Variants in CAAP1 observed in about 807,000 individuals in gnomAD.
CAAP1 encodes conserved anti-apoptotic protein.
A neutral mutation model predicts 34.0 loss-of-function variants in CAAP1; 20 were observed. The observed-to-expected ratio is 0.59, with a 90% CI of 0.41 to 0.86. The LOEUF (loss-of-function observed/expected upper bound fraction) is 0.86, where lower values mean the gene tolerates loss of function less well. Ranked by LOEUF, CAAP1 falls within the 40% of genes least tolerant of loss-of-function variation. CAAP1 has a pLI of 0.00. For missense variants in CAAP1, 538 were observed against 450.5 expected, an observed-to-expected ratio of 1.19 and a Z score of -1.76; for synonymous variants, 213 against 166.7, an observed-to-expected ratio of 1.28 and a Z score of -2.14.
intron 1 of CAAP1, 71 bp from the exon 2 acceptor site, chr9:26,887,584 T>A: frequency 1.2e-6 from 1 of 858,666 alleles, no homozygotes. Flanking sequence ...CATGACATCA[T>A]ACGTTTTCAT....
At chr9:26,853,995 T>C (rs1304078973) in intron 5 of CAAP1, among the ~76,000 whole-genome samples, 1 of 152,158 alleles carries the variant, frequency 6.6e-6, no homozygotes, top group East Asian at 1.9e-4. Context: ...AGAAGATGTA[T>C]TAAACTCTTT....
intron 4 of CAAP1, among the ~76,000 whole-genome samples, chr9:26,877,861 T>C (rs1399688571): frequency 1.3e-5 from 2 of 151,688 alleles, no homozygotes. Flanking sequence ...TTTTCCTATA[T>C]TTATTACACA....
chr9:26,847,578 G>C (rs141510062), intron 5 of CAAP1, among the ~76,000 whole-genome samples: 1 of 151,972 alleles, frequency 6.6e-6, no homozygotes, highest in Non-Finnish European at 1.5e-5. Flanking sequence ...TCTTTTCCAC[G>C]TGTGTATTGC....
intron 5 of CAAP1, among the ~76,000 whole-genome samples, chr9:26,850,486 C>CA (rs1251887659): frequency 2.0e-5 from 3 of 152,080 alleles, no homozygotes; most frequent in Non-Finnish European, 4.4e-5. Flanking sequence ...TCCCCAATAC[C>CA]AAAAACAAGA....
intron 5 of CAAP1, among the ~76,000 whole-genome samples, chr9:26,845,123 A>G (rs1414155615): frequency 6.6e-6 from 1 of 151,914 alleles, no homozygotes; most frequent in East Asian, 1.9e-4. Context: ...ATTTTTCTTC[A>G]TTGCACCTGA....
At chr9:26,862,538 GTAT>G (rs1290488908) in intron 4 of CAAP1, among the ~76,000 whole-genome samples, 1 of 152,024 alleles carries the variant, frequency 6.6e-6, no homozygotes, top group Non-Finnish European at 1.5e-5. Context: ...TATATAACCT[GTAT>G]TATGAAGAAT....
At chr9:26,875,162 A>G (rs1297524023) in intron 4 of CAAP1, among the ~76,000 whole-genome samples, 1 of 152,222 alleles carries the variant, frequency 6.6e-6, no homozygotes, top group Non-Finnish European at 1.5e-5. Context: ...AGGCAGGTGG[A>G]TCACTCGAGG....
chr9:26,882,651 G>C (rs972007762), intron 4 of CAAP1, among the ~76,000 whole-genome samples: 2 of 152,194 alleles, frequency 1.3e-5, no homozygotes, highest in Non-Finnish European at 2.9e-5. Flanking sequence ...TAGTGGAGCT[G>C]TGAGAAGAGG....
At chr9:26,876,326 T>C (rs1823427403) in intron 4 of CAAP1, among the ~76,000 whole-genome samples, 1 of 152,168 alleles carries the variant, frequency 6.6e-6, no homozygotes, top group Admixed American at 6.5e-5. Context: ...AGTCTTCCCA[T>C]CTCAAGATCC....
chr9:26,858,679 C>T (rs568287172), intron 5 of CAAP1, among the ~76,000 whole-genome samples: 75 of 152,048 alleles, frequency 4.9e-4, no homozygotes, highest in African/African-American at 1.5e-3. Context: ...AAAAATTAGC[C>T]GGGCGTGGTG....
chr9:26,870,408 G>A (rs1467315200), intron 4 of CAAP1, among the ~76,000 whole-genome samples: 1 of 151,702 alleles, frequency 6.6e-6, no homozygotes, highest in Non-Finnish European at 1.5e-5. Flanking sequence ...TCTCTACGTA[G>A]AGTTAAGCAA....
intron 4 of CAAP1, among the ~76,000 whole-genome samples, chr9:26,864,600 C>T (rs952834318): frequency 6.6e-6 from 1 of 152,172 alleles, no homozygotes; most frequent in South Asian, 2.1e-4. Flanking sequence ...TATAAACTGT[C>T]CCCCACCCTG....
chr9:26,848,492 C>T (rs915434671), intron 5 of CAAP1, among the ~76,000 whole-genome samples: 46 of 151,690 alleles, frequency 3.0e-4, no homozygotes, highest in African/African-American at 1.0e-3. Flanking sequence ...CTCCAGCCTG[C>T]GCGACAGAGC....
chr9:26,884,442 T>G (rs1483040211), intron 4 of CAAP1, among the ~76,000 whole-genome samples: 2 of 152,136 alleles, frequency 1.3e-5, no homozygotes, highest in East Asian at 3.9e-4. Context: ...ATTATTGTAA[T>G]GAGATCAAGT....
chr9:26,863,947 AT>A (rs1245044125), intron 4 of CAAP1, among the ~76,000 whole-genome samples: 1 of 152,086 alleles, frequency 6.6e-6, no homozygotes, highest in African/African-American at 2.4e-5. Flanking sequence ...GTACACCATC[AT>A]GCCCGGCTAA....
chr9:26,865,666 A>G (rs1001548159), intron 4 of CAAP1, among the ~76,000 whole-genome samples: 9 of 152,154 alleles, frequency 5.9e-5, no homozygotes, highest in African/African-American at 2.2e-4. Flanking sequence ...TCCAAAACAA[A>G]TTTTGTAACA....
intron 4 of CAAP1, among the ~76,000 whole-genome samples, chr9:26,862,421 A>G (rs1038140640): frequency 2.0e-5 from 3 of 152,124 alleles, no homozygotes; most frequent in African/African-American, 4.8e-5. Flanking sequence ...TTTACAAAAA[A>G]AAAAAGACTT....
intron 3 of CAAP1, among the ~76,000 whole-genome samples, chr9:26,885,206 A>G (rs1290278128): frequency 6.6e-6 from 1 of 150,954 alleles, no homozygotes; most frequent in Non-Finnish European, 1.5e-5. Flanking sequence ...CCTCCCGAGC[A>G]GCTGGGACTA....
At chr9:26,864,254 T>G (rs542609919) in intron 4 of CAAP1, among the ~76,000 whole-genome samples, 2 of 152,292 alleles carry the variant, frequency 1.3e-5, no homozygotes, top group South Asian at 4.1e-4. Context: ...TTTCTTATAG[T>G]TCAATGATTT....
Sources: gnomAD v4.1 joint callset for allele counts (sites outside exome capture counted in the v4.1 genomes callset) on GRCh38, gnomAD v4.1.1 for gene constraint, MANE v1.5 for transcripts, NCBI Gene and HGNC (gene_info 2026-07-23, HGNC 2026-07-21) for gene names.